Variants in MITF observed in about 807,000 individuals in gnomAD.
MITF encodes microphthalmia-associated transcription factor.
MITF carries 17 observed loss-of-function variants against 60.5 expected under a neutral mutation model. The ratio of observed to expected loss-of-function variants is 0.28; its 90% confidence interval spans 0.19 to 0.42. The LOEUF (loss-of-function observed/expected upper bound fraction) is 0.42, where lower values mean the gene tolerates loss of function less well. MITF is among the 10% of genes least tolerant of loss of function. The pLI is 1.00. For missense variants in MITF, 622 were observed against 683.5 expected (o/e 0.91, Z 1.00); for synonymous variants, 260 against 248.5 (o/e 1.05, Z -0.43).
chr3:69,879,399 T>C lies in MITF; in HGVS notation c.354+16T>C. 1 of 1,614,196 alleles carries C rather than the reference T, an allele frequency of 6.2e-7. No individual in the cohort carries two copies. The highest frequency in any genetic ancestry group is 8.5e-7 in the Non-Finnish European group (1 of 1,180,030). ...AGTCCTTAAGGTACGTGAGTGTTGC[T>C]CTTGTTGGTTGGACCAAACTCTCTT... On this transcript the variant is annotated intron_variant, in intron 2 of 9. Coordinates refer to ENST00000352241, the MANE Select transcript of MITF (RefSeq NM_001354604.2).
chr3:69,900,453 C>T (rs2064971097), intron 2 of MITF, among the ~76,000 whole-genome samples: 1 of 152,112 alleles, frequency 6.6e-6, no homozygotes, highest in Non-Finnish European at 1.5e-5. Flanking sequence ...AATTCCTTCT[C>T]CTCCTTCTTG....
At chr3:69,909,005 GT>G (rs2065162229) in intron 2 of MITF, among the ~76,000 whole-genome samples, 1 of 151,994 alleles carries the variant, frequency 6.6e-6, no homozygotes, top group African/African-American at 2.4e-5. Flanking sequence ...GTTCTATTAG[GT>G]TTTTTTGTTT....
intron 1 of MITF, among the ~76,000 whole-genome samples, chr3:69,861,826 A>G (rs978819016): frequency 4.6e-5 from 7 of 152,172 alleles, no homozygotes; most frequent in Non-Finnish European, 8.8e-5. Flanking sequence ...TCTGGACAAA[A>G]GAGATGTGTG....
In MITF at chr3:69,746,297, T is replaced by A. The variant is rs1575657456; in HGVS notation, c.104+6596T>A. 1.3e-5 allele frequency among the ~76,000 whole-genome samples: 2 copies of A among 152,234 alleles called. 1 individual carries two copies. Among genetic ancestry groups the A allele is most frequent in the South Asian group, 4.1e-4 (2 of 4,838 alleles). On this transcript the variant is annotated intron_variant, in intron 1 of 9. Coordinates refer to ENST00000352241, the MANE Select transcript of MITF (RefSeq NM_001354604.2). ...CCAGTTGTGCAAGAAGTGGAAAATATCCTTTTTTTAGAACAGATCACATGT... is the reference window on the plus strand; with the variant it reads ...CCAGTTGTGCAAGAAGTGGAAAATAACCTTTTTTTAGAACAGATCACATGT...
intron 1 of MITF, among the ~76,000 whole-genome samples, chr3:69,757,997 A>ATGTG (rs60250386): frequency 0.02 from 2,318 of 115,990 alleles, 42 homozygotes; most frequent in African/African-American, 0.05. Flanking sequence ...ACCCTAGGGC[A>ATGTG]TGTGTGTGTG....
chr3:69,745,183 T>A (rs1210456500), intron 1 of MITF, among the ~76,000 whole-genome samples: 1 of 152,234 alleles, frequency 6.6e-6, no homozygotes, highest in Non-Finnish European at 1.5e-5. Context: ...CTTGGGTGTA[T>A]GTAATAGTTT....
intron 2 of MITF, among the ~76,000 whole-genome samples, chr3:69,883,873 TA>T (rs1341794840): frequency 2.0e-5 from 3 of 152,190 alleles, no homozygotes; most frequent in African/African-American, 7.2e-5. Context: ...TAGTTTGACT[TA>T]CACAAACAAC....
intron 1 of MITF, among the ~76,000 whole-genome samples, chr3:69,759,027 G>T (rs1327271475): frequency 2.0e-5 from 3 of 152,172 alleles, no homozygotes; most frequent in Non-Finnish European, 4.4e-5. Context: ...GATACAGACT[G>T]CTAAAAATAC....
chr3:69,899,274 A>G (rs2064944723), intron 2 of MITF, among the ~76,000 whole-genome samples: 1 of 152,224 alleles, frequency 6.6e-6, no homozygotes, highest in Non-Finnish European at 1.5e-5. Flanking sequence ...AGTGAGGTCC[A>G]GAGTGGTTAT....
chr3:69,797,121 T>C (rs6787022), intron 1 of MITF, among the ~76,000 whole-genome samples: 75,772 of 152,000 alleles, frequency 0.5, 20,601 homozygotes, highest in Non-Finnish European at 0.63. Context: ...CCAGAGGGTA[T>C]ACCTCTAATT....
intron 2 of MITF, among the ~76,000 whole-genome samples, chr3:69,913,751 C>T (rs551147254): frequency 1.3e-5 from 2 of 152,234 alleles, no homozygotes; most frequent in South Asian, 2.1e-4. Context: ...ATCATCCTAA[C>T]GAACGTATTA....
intron 2 of MITF, among the ~76,000 whole-genome samples, chr3:69,934,602 A>G (rs1395815611): frequency 6.6e-6 from 1 of 152,198 alleles, no homozygotes; most frequent in Non-Finnish European, 1.5e-5. Context: ...TGGAGAAGTT[A>G]ATGAATTGCA....
At chr3:69,904,335 C>G (rs1210362626) in intron 2 of MITF, among the ~76,000 whole-genome samples, 3 of 152,146 alleles carry the variant, frequency 2.0e-5, no homozygotes, top group African/African-American at 7.2e-5. Context: ...ACTGAGAGAA[C>G]TGAAATGTTT....
chr3:69,935,838 A>G (rs1465624502), intron 2 of MITF, among the ~76,000 whole-genome samples: 1 of 152,232 alleles, frequency 6.6e-6, no homozygotes, highest in Admixed American at 6.5e-5. Context: ...ACAGTCAATA[A>G]TGAATGAATA....
At chr3:69,930,260 G>A (rs775977690) in intron 2 of MITF, among the ~76,000 whole-genome samples, 3 of 152,076 alleles carry the variant, frequency 2.0e-5, no homozygotes, top group Non-Finnish European at 4.4e-5. Flanking sequence ...GTAGATAGAT[G>A]AAATCAAGCT....
chr3:69,877,368 G>T (rs2064379017), intron 1 of MITF, among the ~76,000 whole-genome samples: 1 of 150,686 alleles, frequency 6.6e-6, no homozygotes, highest in African/African-American at 2.4e-5. Context: ...TGGTAGTGTT[G>T]TTAAGCTGTT....
intron 2 of MITF, among the ~76,000 whole-genome samples, chr3:69,879,689 G>A (rs1232409211): frequency 6.6e-6 from 1 of 152,152 alleles, no homozygotes; most frequent in African/African-American, 2.4e-5. Flanking sequence ...AATTATCTGA[G>A]GTGGGCCTCT....
At chr3:69,782,423 A>G (rs769837506) in intron 1 of MITF, among the ~76,000 whole-genome samples, 141 of 152,314 alleles carry the variant, frequency 9.3e-4, no homozygotes, top group Non-Finnish European at 1.8e-3. Flanking sequence ...CTCTGCATGC[A>G]TTATCTAATT....
chr3:69,878,833 C>T (rs1173325211), intron 1 of MITF, among the ~76,000 whole-genome samples: 2 of 150,238 alleles, frequency 1.3e-5, no homozygotes, highest in East Asian at 2.0e-4. Flanking sequence ...CATATGGTGG[C>T]GCTATATTTG....
Sources: allele counts gnomAD v4.1 joint callset (sites outside exome capture counted in the v4.1 genomes callset), GRCh38; gene constraint gnomAD v4.1.1; transcripts MANE v1.5; gene names NCBI Gene and HGNC (gene_info 2026-07-23, HGNC 2026-07-21).